The following CSMD3 variants were observed in gnomAD, a reference collection of about 807,000 sequenced individuals.
CSMD3 encodes the protein CUB and sushi domain-containing protein 3.
CSMD3 carries 177 observed loss-of-function variants against 435.2 expected under a neutral mutation model. That is an observed-to-expected ratio of 0.41 (90% CI 0.36 to 0.46). CSMD3 has a LOEUF of 0.46. Ranked by LOEUF, CSMD3 falls within the 20% of genes least tolerant of loss-of-function variation. The probability of loss-of-function intolerance (pLI) is 0.34; values close to 1 mark genes in which losing one functional copy is unlikely to be tolerated. For missense variants in CSMD3, 4,265 were observed against 4,504.6 expected, an observed-to-expected ratio of 0.95 and a Z score of 1.52; for synonymous variants, 1,656 against 1,520.5, an observed-to-expected ratio of 1.09 and a Z score of -2.07.
At chr8:112,765,602 G>T (rs938023664) in intron 13 of CSMD3, among the ~76,000 whole-genome samples, 5 of 151,608 alleles carry the variant, frequency 3.3e-5, no homozygotes, top group Non-Finnish European at 7.4e-5. Context: ...TGTTCAATAT[G>T]TTTCTTGACT....
At chr8:112,960,920 A>AT (rs938042423) in intron 7 of CSMD3, among the ~76,000 whole-genome samples, 2 of 151,696 alleles carry the variant, frequency 1.3e-5, no homozygotes, top group African/African-American at 4.8e-5. Flanking sequence ...CAGCCAATAC[A>AT]TTTTTTTAAA....
chr8:113,287,133 C>T (rs1033532857), intron 2 of CSMD3, among the ~76,000 whole-genome samples: 3 of 151,908 alleles, frequency 2.0e-5, no homozygotes, highest in African/African-American at 7.3e-5. Flanking sequence ...AACTCCATTG[C>T]CCTTTTTGCT....
intron 2 of CSMD3, among the ~76,000 whole-genome samples, chr8:113,308,083 T>C (rs990325517): frequency 3.3e-5 from 5 of 152,120 alleles, no homozygotes; most frequent in African/African-American, 9.7e-5. Flanking sequence ...TTTTTAATTC[T>C]AAGTTCTGTT....
intron 13 of CSMD3, among the ~76,000 whole-genome samples, chr8:112,702,886 T>C (rs982771046): frequency 6.6e-6 from 1 of 152,080 alleles, no homozygotes; most frequent in African/African-American, 2.4e-5. Context: ...TACTAGTGGC[T>C]CCCTGCTGTC....
intron 5 of CSMD3, among the ~76,000 whole-genome samples, chr8:113,042,885 C>T (rs1167119564): frequency 6.6e-6 from 1 of 152,174 alleles, no homozygotes; most frequent in Non-Finnish European, 1.5e-5. Context: ...CCAACCTCCA[C>T]GTTGTTCTTC....
rs913976638 is a variant in CSMD3 at position 112,303,496 on chromosome 8, A to T, written c.8266+1225T>A. 6.6e-5 allele frequency among the ~76,000 whole-genome samples: 10 copies of T among 152,276 alleles called. No homozygotes were observed. The East Asian group carries it at 1.9e-3, about 29-fold the overall frequency. Reference sequence around the variant, plus strand: ...TTTGAACCTGGGAGGCAGAGGTTGCAGTGAGCTGAGATCGCGCCACTGCAC... The same window carrying T: ...TTTGAACCTGGGAGGCAGAGGTTGCTGTGAGCTGAGATCGCGCCACTGCAC... On this transcript the variant is annotated intron_variant, in intron 52 of 70. Coordinates refer to ENST00000297405, the MANE Select transcript of CSMD3 (RefSeq NM_198123.2).
At position 113,152,874 on chromosome 8, in the gene CSMD3, G is replaced by A. The variant is rs190004734; in HGVS notation, c.709+20848C>T. On this transcript the variant is annotated intron_variant, in intron 4 of 70. Transcript: ENST00000297405. ...TAGTTCCAGCTACTCAGGAGGCTGAGGCATAAGAGTCATTTGAACCCAGGA... is the reference window on the plus strand; with the variant it reads ...TAGTTCCAGCTACTCAGGAGGCTGAAGCATAAGAGTCATTTGAACCCAGGA... Among the ~76,000 whole-genome samples, 626 of 151,812 alleles carry A rather than the reference G, an allele frequency of 4.1e-3. 8 individuals are homozygous for A. Among genetic ancestry groups the A allele is most frequent in the African/African-American group, 0.014 (576 of 41,392 alleles).
chr8:113,280,904 G>A (rs181649933), intron 2 of CSMD3, among the ~76,000 whole-genome samples: 47 of 151,866 alleles, frequency 3.1e-4, no homozygotes, highest in Admixed American at 9.2e-4. Context: ...TCTTGATTGC[G>A]CTTTTGACCC....
chr8:112,587,013 T>C (rs2131352152), intron 23 of CSMD3, 53 bp downstream of exon 23: 1 of 1,225,632 alleles, frequency 8.2e-7, no homozygotes, highest in Non-Finnish European at 1.2e-6. Context: ...TCTATTGATG[T>C]ATATTTAATG....
chr8:112,700,553 C>CT (rs1488951724), intron 13 of CSMD3, among the ~76,000 whole-genome samples: 4 of 151,974 alleles, frequency 2.6e-5, no homozygotes, highest in Admixed American at 2.0e-4. Context: ...AAATTCCCCT[C>CT]TTTTTTATTA....
intron 3 of CSMD3, among the ~76,000 whole-genome samples, chr8:113,247,987 A>C (rs2132280108): frequency 6.6e-6 from 1 of 152,196 alleles, no homozygotes; most frequent in Non-Finnish European, 1.5e-5. Context: ...GTCAACAAAT[A>C]AGGCAGAACC....
chr8:112,890,498 T>A (rs2081752839), intron 10 of CSMD3, among the ~76,000 whole-genome samples: 1 of 151,672 alleles, frequency 6.6e-6, no homozygotes, highest in Admixed American at 6.6e-5. Flanking sequence ...AAATATGTCA[T>A]AAGCATATGA....
intron 22 of CSMD3, among the ~76,000 whole-genome samples, chr8:112,616,538 C>T (rs1690079342): frequency 6.6e-6 from 1 of 152,018 alleles, no homozygotes; most frequent in Non-Finnish European, 1.5e-5. Flanking sequence ...ACAATCAATC[C>T]AATGTCTAAT....
At chr8:112,932,716 T>A (rs998415692) in intron 9 of CSMD3, among the ~76,000 whole-genome samples, 1 of 152,052 alleles carries the variant, frequency 6.6e-6, no homozygotes, top group African/African-American at 2.4e-5. Context: ...AAAGAGAGGT[T>A]GGTTAATGGA....
At chr8:112,923,024 C>A (rs1306399070) in intron 9 of CSMD3, among the ~76,000 whole-genome samples, 1 of 152,092 alleles carries the variant, frequency 6.6e-6, no homozygotes, top group East Asian at 1.9e-4. Flanking sequence ...ATCTTTCTGT[C>A]TTGCATTTCA....
intron 12 of CSMD3, among the ~76,000 whole-genome samples, chr8:112,816,335 C>T (rs533560442): frequency 1.3e-5 from 2 of 151,980 alleles, no homozygotes; most frequent in Non-Finnish European, 2.9e-5. Context: ...AGCGAGGGTG[C>T]AAGATAGAGA....
At chr8:113,329,045 A>T (rs2094006880) in intron 1 of CSMD3, among the ~76,000 whole-genome samples, 1 of 151,588 alleles carries the variant, frequency 6.6e-6, no homozygotes, top group Admixed American at 6.6e-5. Context: ...TCCTGCACTA[A>T]AATATCATGT....
chr8:112,993,870 A>T (rs1195220452), intron 6 of CSMD3, among the ~76,000 whole-genome samples: 1 of 151,752 alleles, frequency 6.6e-6, no homozygotes, highest in Non-Finnish European at 1.5e-5. Flanking sequence ...AGAGGTAGAG[A>T]TGAGTTTGGT....
chr8:113,383,944 T>C (rs924708079), intron 1 of CSMD3, among the ~76,000 whole-genome samples: 1 of 152,170 alleles, frequency 6.6e-6, no homozygotes, highest in African/African-American at 2.4e-5. Flanking sequence ...TCTCCAACTG[T>C]GGCTAAAGCA....
Sources: gnomAD v4.1 joint callset for allele counts (sites outside exome capture counted in the v4.1 genomes callset) on GRCh38, gnomAD v4.1.1 for gene constraint, MANE v1.5 for transcripts, NCBI Gene and HGNC (gene_info 2026-07-23, HGNC 2026-07-21) for gene names.